BRPF1: variants seen among roughly 807,000 people sequenced by gnomAD.
BRPF1 encodes the protein peregrin.
Under a neutral mutation model 115.0 loss-of-function variants are expected in BRPF1, and 15 were observed. That is an observed-to-expected ratio of 0.13 (90% CI 0.09 to 0.20). The LOEUF (loss-of-function observed/expected upper bound fraction) is 0.20, where lower values mean the gene tolerates loss of function less well. BRPF1 is among the 10% of genes least tolerant of loss of function. The probability of loss-of-function intolerance (pLI) is 1.00; values close to 1 mark genes in which losing one functional copy is unlikely to be tolerated. For missense variants in BRPF1, 1,118 were observed against 1,638.3 expected (o/e 0.68, Z 5.48); for synonymous variants, 647 against 619.8 (o/e 1.04, Z -0.65).
Position 9,743,639 on chromosome 3 carries a change from G to C in BRPF1, c.2373G>C (p.Gln791His). ...ENQKHLPVEE[Q>H]LKLLLERLDE... ...AGAAGCACCTGCCAGTGGAAGAACAGCTAAAGCTGCTTCTGGAGCGGCTGG... is the reference window on the plus strand; with the variant it reads ...AGAAGCACCTGCCAGTGGAAGAACACCTAAAGCTGCTTCTGGAGCGGCTGG... Residue 791 changes from glutamine (Q) to histidine (H), a missense_variant, in exon 8 of 14, where the codon CAG (glutamine) becomes CAC (histidine). Around this residue, in one of 10 missense-constraint regions of BRPF1, gnomAD observed 223 missense variants for 240.7 expected, o/e 0.93. Coordinates refer to ENST00000383829, the MANE Select transcript of BRPF1 (RefSeq NM_001003694.2). The surrounding 1 kb of genome is among the most constrained non-coding windows in gnomAD (Gnocchi z 6.1). The C allele has an allele frequency of 6.2e-7, 1 of 1,614,046 alleles. No individual in the cohort carries two copies.
In BRPF1 at chr3:9,743,776, G is replaced by A. The variant is rs368065922; in HGVS notation, c.2510G>A (p.Arg837His). ...RKLAHQRETG[R>H]DGPERHGPSS... ...CTTGCCCATCAGCGAGAGACGGGAC[G>A]TGATGGCCCTGAGCGGCATGGCCCC... is the stretch of plus-strand genomic sequence containing the variant. The change falls in exon 8 of 14, where the codon CGT (arginine) becomes CAT (histidine). Residue 837 changes from arginine (R) to histidine (H), a missense_variant. By Grantham distance (29) the Arg-to-His change is conservative (BLOSUM62 0). Transcript: ENST00000383829. This position sits in a 1 kb window ranked among gnomAD's most constrained non-coding sequence, Gnocchi z 6.1. 26 of 1,614,054 alleles carry A rather than the reference G, an allele frequency of 1.6e-5. No individual in the cohort carries two copies. The highest frequency in any genetic ancestry group is 2.7e-5 in the African/African-American group (2 of 74,926).
At chr3:9,738,530 C>G (rs1201228334) in intron 2 of BRPF1, among the ~76,000 whole-genome samples, 1 of 152,218 alleles carries the variant, frequency 6.6e-6, no homozygotes, top group African/African-American at 2.4e-5. Flanking sequence ...GCCCTGCCCA[C>G]CAGTGCTAAA....
chr3:9,738,757 C>A (rs1330221946), intron 2 of BRPF1, among the ~76,000 whole-genome samples: 1 of 152,238 alleles, frequency 6.6e-6, no homozygotes, highest in African/African-American at 2.4e-5. Context: ...CATCCCAGCT[C>A]CACCACTTTC....
chr3:9,743,179 G>C lies in BRPF1; in HGVS notation c.2237G>C (p.Gly746Ala). 1 of 1,614,250 alleles carries C rather than the reference G, an allele frequency of 6.2e-7. No individual in the cohort carries two copies. The highest frequency in any genetic ancestry group is 8.5e-7 in the Non-Finnish European group (1 of 1,180,052). Residue 746 changes from glycine to alanine, a missense_variant, in exon 7 of 14, where the codon GGC becomes GCC. Physicochemically the swap from Gly to Ala is moderately conservative, Grantham distance 60. Around this residue, in one of 10 missense-constraint regions of BRPF1, gnomAD observed 223 missense variants for 240.7 expected, o/e 0.93. Coordinates refer to ENST00000383829, the MANE Select transcript of BRPF1 (RefSeq NM_001003694.2). This position sits in a 1 kb window ranked among gnomAD's most constrained non-coding sequence, Gnocchi z 6.1. ...GCCCGGCGCCAGGCAGAAAAAATGG[G>C]CATTGACTTTGAGACGGGCATGCAT... ...RQARRQAEKM[G>A]IDFETGMHIP...
rs759590481 is a variant in BRPF1 at position 9,740,754 on chromosome 3, T to G, written c.1560-25T>G. 1.9e-6 allele frequency: 3 copies of G among 1,611,506 alleles called. No homozygotes were observed. In the East Asian group the frequency reaches 6.7e-5, roughly 36 times the overall value. ...TAAGAGAATCAGGGCCCAACAAGTT[T>G]TACTCTTTGTTTCCTGCCTCCCAGG... On this transcript the variant is annotated intron_variant, in intron 3 of 13. Transcript: ENST00000383829.
At position 9,734,804 on chromosome 3, in the gene BRPF1, G is replaced by A; in HGVS notation, c.599+65G>A. ...AAGCAGGGCTCACTAGCCAGAGAGA[G>A]GTGAGAGGCACAGATAGAAGAGTGA... On this transcript the variant is annotated intron_variant, in intron 2 of 13. Coordinates refer to ENST00000383829, the MANE Select transcript of BRPF1 (RefSeq NM_001003694.2). This position sits in a 1 kb window ranked among gnomAD's most constrained non-coding sequence, Gnocchi z 5.7. 1.3e-6 allele frequency: 2 copies of A among 1,565,012 alleles called. No individual in the cohort carries two copies. The highest frequency in any genetic ancestry group is 8.7e-7 in the Non-Finnish European group (1 of 1,144,280).
rs1294323631 is a variant in BRPF1, at chr3:9,738,982, C to T, written c.600-17C>T. 5.2e-6 allele frequency: 8 copies of T among 1,528,554 alleles called. No individual in the cohort carries two copies. The highest frequency in any genetic ancestry group is 7.0e-6 in the Non-Finnish European group (8 of 1,137,814). The allele number at this position is 1,528,554 out of a possible 1,614,324, so 94.7% of individuals were successfully genotyped here. The stretch of plus-strand genomic sequence containing the variant: ...AATCTCAACCATGTGATGCTGAGTT[C>T]CCTGTTTGTACCGTAGGTACATCGA... On this transcript the variant is annotated splice_polypyrimidine_tract_variant and intron_variant, in intron 2 of 13. Transcript: ENST00000383829.
At position 9,734,494 on chromosome 3, in the gene BRPF1, G is replaced by T. The variant is rs144860830; in HGVS notation, c.354G>T (p.Val118=). The T allele has an allele frequency of 9.4e-4, 1,520 of 1,614,094 alleles. 11 individuals carry two copies. The highest frequency in any genetic ancestry group is 1.1e-3 in the Non-Finnish European group (1,255 of 1,180,022). The part of the protein sequence containing the change: ...HRISIFDNLD[V]VSEDEEAPEE... ...TCAGCATCTTTGACAACCTGGATGTGGTGTCAGAGGATGAGGAAGCCCCCG... is the reference window on the plus strand; with the variant it reads ...TCAGCATCTTTGACAACCTGGATGTTGTGTCAGAGGATGAGGAAGCCCCCG... The change falls in exon 2 of 14, where the codon GTG becomes GTT. Residue 118 remains valine (V), a synonymous_variant. Coordinates refer to ENST00000383829, the MANE Select transcript of BRPF1 (RefSeq NM_001003694.2). The surrounding 1 kb of genome is among the most constrained non-coding windows in gnomAD (Gnocchi z 5.7).
rs1553693102 is a variant in BRPF1, at chr3:9,731,765, T to TGCCGCCGCCGCTGCC, written c.-383_-369dup. 408 of 157,508 alleles carry TGCCGCCGCCGCTGCC rather than the reference T, an allele frequency of 2.6e-3. No homozygotes were observed. Among genetic ancestry groups the TGCCGCCGCCGCTGCC allele is most frequent in the African/African-American group, 9.3e-3 (387 of 41,624 alleles). 9.8% of individuals were successfully genotyped at this position (157,508 alleles called of 1,614,324 possible). A position where few individuals can be genotyped will look rare whatever the true frequency, so the allele number is the denominator to read the frequency against. ...GCGCAGACGCCGTCGCCGCCGCTGC[T>TGCCGCCGCCGCTGCC]GCCGCCGCCGCTGCCACAGCCTTTG... is the stretch of plus-strand genomic sequence containing the variant. On this transcript the variant is annotated 5_prime_UTR_variant, in exon 1 of 14. Coordinates refer to ENST00000383829, the MANE Select transcript of BRPF1 (RefSeq NM_001003694.2).
intron 9 of BRPF1, 64 bp from the exon 10 acceptor site, chr3:9,744,944 A>AG: frequency 6.2e-7 from 1 of 1,606,142 alleles, no homozygotes; most frequent in Non-Finnish European, 8.5e-7. Flanking sequence ...TCTTACCTCC[A>AG]TGTCATCTCT....
intron 13 of BRPF1, among the ~76,000 whole-genome samples, chr3:9,746,930 G>T (rs2077136959): frequency 1.3e-5 from 2 of 152,096 alleles, no homozygotes; most frequent in Admixed American, 6.6e-5. Context: ...TGAGGTCAGG[G>T]TGCCTCCTTT....
chr3:9,740,720 T>C, intron 3 of BRPF1, 59 bp from the exon 4 acceptor site: 1 of 1,590,590 alleles, frequency 6.3e-7, no homozygotes, highest in Non-Finnish European at 8.6e-7. Flanking sequence ...CAGAGACCCT[T>C]GCTCTGCTTA....
At chr3:9,746,550 T>G in intron 13 of BRPF1, 96 bp downstream of exon 13, 1 of 1,381,634 alleles carries the variant, frequency 7.2e-7, no homozygotes, top group African/African-American at 1.5e-5. Flanking sequence ...ACAGGCAGAC[T>G]GGGCTATCAC....
rs1332842408 is a variant in BRPF1, at chr3:9,746,282, C to T, written c.3325-18C>T. On this transcript the variant is annotated intron_variant, in intron 12 of 13. Coordinates refer to ENST00000383829, the MANE Select transcript of BRPF1 (RefSeq NM_001003694.2). ...AGGACATGGACTGAACCAAACTGGG[C>T]TCTTATTATATCCTCAGATCATTGA... The T allele has an allele frequency of 6.5e-7, 1 of 1,531,352 alleles. No individual in the cohort carries two copies. Among genetic ancestry groups the T allele is most frequent in the East Asian group, 2.3e-5 (1 of 43,432 alleles). The allele number at this position is 1,531,352 out of a possible 1,614,324, so 94.9% of individuals were successfully genotyped here. A position where few individuals can be genotyped will look rare whatever the true frequency, so the allele number is the denominator to read the frequency against.
chr3:9,745,133 A>T lies in BRPF1; in HGVS notation c.3046A>T (p.Ser1016Cys). ...TGAGTCCAGCAGCAGTAGCAGTAGC[A>T]GCGCTGCTTCAGACCGGACCAGGTA... Reference protein sequence around the residue: ...DSESSSSSSSSAASDRTSTTP... With the variant: ...DSESSSSSSSCAASDRTSTTP... The change falls in exon 10 of 14, where the codon AGC (serine) becomes TGC (cysteine). Residue 1016 changes from serine to cysteine, a missense_variant. By Grantham distance (112) the Ser-to-Cys change is moderately radical (BLOSUM62 -1). Transcript: ENST00000383829. The surrounding 1 kb of genome is among the most constrained non-coding windows in gnomAD (Gnocchi z 5.1). 6.2e-7 allele frequency: 1 copy of T among 1,614,220 alleles called. No individual in the cohort carries two copies. Among genetic ancestry groups the T allele is most frequent in the African/African-American group, 1.3e-5 (1 of 75,072 alleles).
intron 2 of BRPF1, among the ~76,000 whole-genome samples, chr3:9,736,037 A>C (rs1201774232): frequency 4.1e-4 from 1 of 2,436 alleles, no homozygotes; most frequent in Non-Finnish European, 8.0e-4. Context: ...TTTGAGACGG[A>C]GTCTCGCTCT....
intron 5 of BRPF1, 53 bp from the exon 6 acceptor site, chr3:9,741,972 C>G: frequency 6.2e-7 from 1 of 1,605,318 alleles, no homozygotes; most frequent in East Asian, 2.2e-5. Flanking sequence ...CCTCAGACCT[C>G]TTTGCCACTG....
In BRPF1 at chr3:9,742,998, C is replaced by G. The variant is rs772427675; in HGVS notation, c.2056C>G (p.Gln686Glu). Reference protein sequence around the residue: ...KKPMDFFTMKQNLEAYRYLNF... With the variant: ...KKPMDFFTMKENLEAYRYLNF... ...GCCCATGGACTTTTTCACCATGAAG[C>G]AGAACTTGGAGGCTTACCGCTACCT... Residue 686 changes from glutamine to glutamate, a missense_variant, in exon 7 of 14, where the codon CAG becomes GAG. Physicochemically the swap from Gln to Glu is conservative, Grantham distance 29. Coordinates refer to ENST00000383829, the MANE Select transcript of BRPF1 (RefSeq NM_001003694.2). 6.2e-7 allele frequency: 1 copy of G among 1,614,188 alleles called. No individual in the cohort carries two copies. Among genetic ancestry groups the G allele is most frequent in the Admixed American group, 1.7e-5 (1 of 60,022 alleles).
rs141075845 is a variant in BRPF1, at chr3:9,746,037, G to C, written c.3324+107G>C. On this transcript the variant is annotated intron_variant, in intron 12 of 13. Coordinates refer to ENST00000383829, the MANE Select transcript of BRPF1 (RefSeq NM_001003694.2). ...TGAGCTGTGGGGCACAGAGTTTCTT[G>C]GTAAGGTAGACTGGTGGGCAGATAC... 2.1e-3 allele frequency: 2,833 copies of C among 1,321,780 alleles called. 8 individuals carry two copies. The highest frequency in any genetic ancestry group is 4.5e-3 in the Middle Eastern group (23 of 5,116). The allele number at this position is 1,321,780 out of a possible 1,614,324, so 81.9% of individuals were successfully genotyped here.
Sources: allele counts gnomAD v4.1 joint callset (sites outside exome capture counted in the v4.1 genomes callset), GRCh38; gene constraint gnomAD v4.1.1; regional missense constraint gnomAD v4.1.1; non-coding constraint Gnocchi (gnomAD v3.1); transcripts MANE v1.5; gene names NCBI Gene and HGNC (gene_info 2026-07-23, HGNC 2026-07-21).